PALM2AKAP2: variants seen among roughly 807,000 people sequenced by gnomAD.
PALM2AKAP2 encodes the protein PALM2-AKAP2 fusion protein.
PALM2AKAP2 carries 37 observed loss-of-function variants against 71.5 expected under a neutral mutation model. The observed-to-expected ratio is 0.52, with a 90% CI of 0.40 to 0.68. The LOEUF (loss-of-function observed/expected upper bound fraction) is 0.68, where lower values mean the gene tolerates loss of function less well. Ranked by LOEUF, PALM2AKAP2 falls within the 30% of genes least tolerant of loss-of-function variation. The pLI, the probability that PALM2AKAP2 is intolerant of heterozygous loss-of-function variation, is 0.00. For missense variants in PALM2AKAP2, 1,224 were observed against 1,191.8 expected (o/e 1.03, Z -0.40); for synonymous variants, 468 against 478.8 (o/e 0.98, Z 0.29).
chr9:109,828,921 G>C (rs1305792247), intron 1 of PALM2AKAP2, among the ~76,000 whole-genome samples: 2 of 152,252 alleles, frequency 1.3e-5, no homozygotes, highest in Non-Finnish European at 1.5e-5. Context: ...AAAGGGCCTT[G>C]CCAAAAGGCG....
chr9:109,773,148 T>A (rs1829297099), intron 1 of PALM2AKAP2, among the ~76,000 whole-genome samples: 1 of 152,072 alleles, frequency 6.6e-6, no homozygotes, highest in Non-Finnish European at 1.5e-5. Flanking sequence ...AAGTCTTTTT[T>A]TTTTGATATG....
chr9:110,084,236 A>C (rs1834510034), intron 1 of PALM2AKAP2, among the ~76,000 whole-genome samples: 2 of 152,244 alleles, frequency 1.3e-5, no homozygotes, highest in Non-Finnish European at 2.9e-5. Context: ...AGGAAAGGAA[A>C]ACTGACCATC....
chr9:109,787,907 A>G (rs999128432), intron 1 of PALM2AKAP2, among the ~76,000 whole-genome samples: 1 of 152,204 alleles, frequency 6.6e-6, no homozygotes, highest in Non-Finnish European at 1.5e-5. Flanking sequence ...TTTGGATTTC[A>G]TAAGGATACT....
intron 1 of PALM2AKAP2, among the ~76,000 whole-genome samples, chr9:109,822,288 C>T (rs915735440): frequency 2.0e-5 from 3 of 152,138 alleles, no homozygotes; most frequent in African/African-American, 7.2e-5. Flanking sequence ...TCCATCCATC[C>T]ATCCATCCAT....
intron 1 of PALM2AKAP2, among the ~76,000 whole-genome samples, chr9:109,646,860 A>G (rs1166316266): frequency 6.6e-6 from 1 of 152,246 alleles, no homozygotes; most frequent in East Asian, 1.9e-4. Context: ...AAAATGTGGC[A>G]TTTCGTGTGC....
rs138407998 is a variant in PALM2AKAP2 at position 109,910,362 on chromosome 9, G to A, written c.258-13373G>A. The stretch of plus-strand genomic sequence containing the variant: ...ATTCAAAATACAATTGTACATAAAG[G>A]CTGGAGTTCAGGAGAGATGCTGAAG... On this transcript the variant is annotated intron_variant, in intron 3 of 9. Transcript: ENST00000302798. Among the ~76,000 whole-genome samples, 565 of 152,284 alleles carry A rather than the reference G, an allele frequency of 3.7e-3. 2 individuals carry two copies. Among genetic ancestry groups the A allele is most frequent in the African/African-American group, 0.013 (525 of 41,556 alleles).
chr9:110,018,957 C>G (rs1176588368), intron 7 of PALM2AKAP2, among the ~76,000 whole-genome samples: 2 of 152,042 alleles, frequency 1.3e-5, no homozygotes, highest in East Asian at 3.9e-4. Context: ...GATACCATCT[C>G]ACGACTGGGC....
At chr9:109,972,746 C>T (rs1362324931) in intron 6 of PALM2AKAP2, among the ~76,000 whole-genome samples, 4 of 152,292 alleles carry the variant, frequency 2.6e-5, no homozygotes, top group South Asian at 2.1e-4. Context: ...TGCAGTGTTA[C>T]GAGGAGACAA....
intron 1 of PALM2AKAP2, among the ~76,000 whole-genome samples, chr9:109,832,126 G>A (rs1388433709): frequency 3.3e-5 from 5 of 152,204 alleles, no homozygotes; most frequent in African/African-American, 1.2e-4. Flanking sequence ...AAAGGATTCA[G>A]TGCATAAAGA....
exon 2 of PALM2AKAP2, chr9:110,137,217 G>T: frequency 6.2e-7 from 1 of 1,614,174 alleles, no homozygotes; most frequent in Non-Finnish European, 8.5e-7. Flanking sequence ...TCTGCTGCTC[G>T]CAAACAATTT....
intron 3 of PALM2AKAP2, among the ~76,000 whole-genome samples, chr9:109,905,391 A>G (rs1830424795): frequency 1.3e-5 from 2 of 152,172 alleles, no homozygotes; most frequent in Admixed American, 6.5e-5. Flanking sequence ...CACCATCTGT[A>G]CCACCAGAAA....
intron 6 of PALM2AKAP2, among the ~76,000 whole-genome samples, chr9:109,994,285 A>G (rs1832534352): frequency 6.6e-6 from 1 of 152,234 alleles, no homozygotes; most frequent in Non-Finnish European, 1.5e-5. Context: ...TTTGGGATGT[A>G]TCCACTTTGA....
chr9:109,689,018 T>C (rs1385450003), intron 1 of PALM2AKAP2, among the ~76,000 whole-genome samples: 1 of 152,114 alleles, frequency 6.6e-6, no homozygotes, highest in African/African-American at 2.4e-5. Flanking sequence ...CATCAGTCAG[T>C]AGGAGGATTA....
At chr9:109,811,499 G>GGA (rs1405545838) in intron 1 of PALM2AKAP2, among the ~76,000 whole-genome samples, 1 of 152,106 alleles carries the variant, frequency 6.6e-6, no homozygotes, top group African/African-American at 2.4e-5. Flanking sequence ...AAAAAAAATA[G>GGA]TACATTTTTA....
intron 1 of PALM2AKAP2, among the ~76,000 whole-genome samples, chr9:109,845,541 C>T (rs977221617): frequency 6.6e-6 from 1 of 152,128 alleles, no homozygotes; most frequent in African/African-American, 2.4e-5. Flanking sequence ...ACCCTTACTG[C>T]GTAGTCCTAG....
At position 110,051,021 on chromosome 9, in the gene PALM2AKAP2, A is replaced by C. The variant is rs182603501; in HGVS notation, c.156+2166A>C. On this transcript the variant is annotated intron_variant, in intron 1 of 3. Coordinates refer to ENST00000374525, the Ensembl canonical transcript of PALM2AKAP2. ...GACAGCACCAACAAAATTAGTCCTG[A>C]GCCAGGGACAACAAAAGTAAGGCTG... Among the ~76,000 whole-genome samples the C allele has an allele frequency of 5.1e-4, 77 of 152,352 alleles. 1 individual carries two copies. The East Asian group carries it at 0.013, about 27-fold the overall frequency.
At chr9:109,659,272 C>A (rs1474887142) in intron 1 of PALM2AKAP2, among the ~76,000 whole-genome samples, 1 of 152,172 alleles carries the variant, frequency 6.6e-6, no homozygotes, top group Non-Finnish European at 1.5e-5. Flanking sequence ...GTGTACTGTT[C>A]AATGGCTTTT....
At chr9:109,764,339 C>G (rs62578101) in intron 1 of PALM2AKAP2, among the ~76,000 whole-genome samples, 2 of 151,854 alleles carry the variant, frequency 1.3e-5, no homozygotes. Flanking sequence ...TTCTCCAAAA[C>G]AGGGTGTCTC....
In PALM2AKAP2 at chr9:110,006,317, CTTCCTTCTCTTTCTTTCT is replaced by C. The variant is rs1355073916; in HGVS notation, c.497-9633_497-9616del. ...TCTTTCCTTTCCCTCCCTTTCCTTC[CTTCCTTCTCTTTCTTTCT>C]TTCTTTCTTTCTTTCTTTCTTTCTT... On this transcript the variant is annotated intron_variant, in intron 6 of 9. Transcript: ENST00000302798. Among the ~76,000 whole-genome samples, 371 of 82,154 alleles carry C rather than the reference CTTCCTTCTCTTTCTTTCT, an allele frequency of 4.5e-3. 4 individuals are homozygous for C. Among genetic ancestry groups the C allele is most frequent in the African/African-American group, 0.017 (363 of 20,806 alleles). The allele number at this position is 82,154 out of a possible 152,430, so 53.9% of individuals were successfully genotyped here.
Sources: gnomAD v4.1 joint callset for allele counts (sites outside exome capture counted in the v4.1 genomes callset) on GRCh38, gnomAD v4.1.1 for gene constraint, MANE v1.5 for transcripts, NCBI Gene and HGNC (gene_info 2026-07-23, HGNC 2026-07-21) for gene names.